BCL2L14: variants seen among roughly 807,000 people sequenced by gnomAD.
The protein encoded by BCL2L14 is apoptosis facilitator Bcl-2-like protein 14.
In BCL2L14, 27 loss-of-function variants were observed where a neutral mutation model predicts 35.3. The ratio of observed to expected loss-of-function variants is 0.76; its 90% CI spans 0.56 to 1.05. The LOEUF (loss-of-function observed/expected upper bound fraction) is 1.05. Ranked by LOEUF, BCL2L14 falls within the 50% of genes least tolerant of loss-of-function variation. BCL2L14 has a pLI of 0.00. For missense variants in BCL2L14, 377 were observed against 382.6 expected (o/e 0.99, Z 0.12); for synonymous variants, 139 against 145.9 (o/e 0.95, Z 0.34).
chr12:12,081,864 CAGATTTTAAAAGAAAGG>C (rs1213850353), intron 2 of BCL2L14, among the ~76,000 whole-genome samples: 2 of 152,112 alleles, frequency 1.3e-5, no homozygotes, highest in Non-Finnish European at 2.9e-5. Flanking sequence ...GCCGCAAAGC[CAGATTTTAAAAGAAAGG>C]CCCCCTCCTG....
intron 3 of BCL2L14, among the ~76,000 whole-genome samples, chr12:12,088,391 T>C (rs904984496): frequency 6.6e-6 from 1 of 152,064 alleles, no homozygotes; most frequent in African/African-American, 2.4e-5. Context: ...AAGTGGGCTT[T>C]CCACTTGCCC....
chr12:12,072,285 A>G (rs1591814629), intron 1 of BCL2L14: 1 of 152,196 alleles, frequency 6.6e-6, no homozygotes, highest in South Asian at 2.1e-4. Context: ...CAGAGCGAGA[A>G]CCGTGCGACA....
At chr12:12,074,008 C>G (rs1207067031) in intron 1 of BCL2L14, among the ~76,000 whole-genome samples, 1 of 152,076 alleles carries the variant, frequency 6.6e-6, no homozygotes, top group Non-Finnish European at 1.5e-5. Flanking sequence ...AGTTAGCAAG[C>G]AAGAATGCAA....
intron 4 of BCL2L14, among the ~76,000 whole-genome samples, chr12:12,092,255 C>T (rs527522301): frequency 9.8e-5 from 15 of 152,344 alleles, no homozygotes; most frequent in Middle Eastern, 3.4e-3. Context: ...GCGATGGTTT[C>T]ATTTTCACCC....
chr12:12,092,790 T>A (rs924907590), intron 4 of BCL2L14, among the ~76,000 whole-genome samples: 1 of 151,960 alleles, frequency 6.6e-6, no homozygotes, highest in Non-Finnish European at 1.5e-5. Flanking sequence ...GCCTGGACGG[T>A]GGGGGTGGGC....
intron 1 of BCL2L14, among the ~76,000 whole-genome samples, chr12:12,051,160 G>A (rs570081921): frequency 6.6e-6 from 1 of 152,244 alleles, no homozygotes; most frequent in South Asian, 2.1e-4. Context: ...TGAGGGAGGG[G>A]TTAATAAATA....
intron 1 of BCL2L14, among the ~76,000 whole-genome samples, chr12:12,075,954 G>A (rs1226579012): frequency 6.6e-6 from 1 of 151,534 alleles, no homozygotes; most frequent in African/African-American, 2.4e-5. Flanking sequence ...CAATGTTTTT[G>A]GATCAGGAGA....
intron 4 of BCL2L14, among the ~76,000 whole-genome samples, chr12:12,092,884 T>C (rs765373761): frequency 2.0e-5 from 3 of 152,146 alleles, no homozygotes; most frequent in Non-Finnish European, 2.9e-5. Flanking sequence ...GAAACAATAT[T>C]TGTTGAAAAC....
chr12:12,096,051 AC>A, intron 5 of BCL2L14: 1 of 983,604 alleles, frequency 1.0e-6, no homozygotes, highest in Non-Finnish European at 1.2e-6. Flanking sequence ...CACCCCAACA[AC>A]CCCCTTGAGC....
chr12:12,055,471 G>A (rs957329797), intron 2 of BCL2L14: 5 of 152,090 alleles, frequency 3.3e-5, no homozygotes, highest in African/African-American at 1.2e-4. Flanking sequence ...GATTTTGCAG[G>A]AATTAACATC....
chr12:12,060,032 C>T (rs1000998397), intron 2 of BCL2L14, among the ~76,000 whole-genome samples: 10 of 151,880 alleles, frequency 6.6e-5, no homozygotes, highest in Admixed American at 6.6e-5. Flanking sequence ...CAAGCGTCGC[C>T]GAGTCTTTCT....
intron 4 of BCL2L14, 118 bp downstream of exon 4, chr12:12,090,967 G>A: frequency 3.3e-6 from 2 of 608,886 alleles, no homozygotes; most frequent in Non-Finnish European, 5.1e-6. Context: ...TTTCTACTTA[G>A]TCCTAAATTT....
intron 4 of BCL2L14, among the ~76,000 whole-genome samples, chr12:12,092,167 C>T (rs1949202500): frequency 6.6e-6 from 1 of 152,142 alleles, no homozygotes; most frequent in African/African-American, 2.4e-5. Context: ...GACTTGTGGT[C>T]ATTGGTCAGG....
intron 3 of BCL2L14, among the ~76,000 whole-genome samples, chr12:12,089,982 G>A (rs1171021142): frequency 6.6e-6 from 1 of 152,136 alleles, no homozygotes; most frequent in Non-Finnish European, 1.5e-5. Context: ...CACTCTCTTA[G>A]ATATGGGCCA....
At chr12:12,063,880 G>A (rs1948562402) in intron 2 of BCL2L14, among the ~76,000 whole-genome samples, 1 of 151,762 alleles carries the variant, frequency 6.6e-6, no homozygotes, top group African/African-American at 2.4e-5. Flanking sequence ...CCCCCACTGA[G>A]TACCTTGTGA....
At chr12:12,085,577 T>A (rs1949024223) in intron 2 of BCL2L14, among the ~76,000 whole-genome samples, 1 of 152,208 alleles carries the variant, frequency 6.6e-6, no homozygotes, top group South Asian at 2.1e-4. Flanking sequence ...TATTGGTTTT[T>A]GAACCCTGTG....
intron 2 of BCL2L14, among the ~76,000 whole-genome samples, chr12:12,061,323 C>A (rs1948522933): frequency 6.6e-6 from 1 of 151,542 alleles, no homozygotes; most frequent in South Asian, 2.1e-4. Flanking sequence ...CAATCACACA[C>A]CCCTTACCAT....
chr12:12,080,006 C>T (rs969241515), intron 2 of BCL2L14, among the ~76,000 whole-genome samples: 9 of 151,874 alleles, frequency 5.9e-5, no homozygotes, highest in African/African-American at 9.7e-5. Flanking sequence ...AGATTGAGAC[C>T]ATCCTGGCTA....
chr12:12,079,772 C>G (rs771659535), intron 2 of BCL2L14, 34 bp downstream of exon 2: 1 of 1,590,490 alleles, frequency 6.3e-7, no homozygotes, highest in Non-Finnish European at 8.6e-7. Context: ...CTCCCGCTTC[C>G]TGGTTTTTCC....
Sources: allele counts gnomAD v4.1 joint callset (sites outside exome capture counted in the v4.1 genomes callset), GRCh38; gene constraint gnomAD v4.1.1; transcripts MANE v1.5; gene names NCBI Gene and HGNC (gene_info 2026-07-23, HGNC 2026-07-21).